The following SYBU variants were observed in gnomAD, a reference collection of about 807,000 sequenced individuals.
SYBU encodes the protein syntabulin.
SYBU carries 21 observed loss-of-function variants against 35.9 expected under a neutral mutation model. That is an observed-to-expected ratio of 0.58 (90% CI 0.41 to 0.84). The LOEUF is 0.84. SYBU is among the 40% of genes least tolerant of loss of function. SYBU has a pLI of 0.00. For synonymous variants in SYBU, 319 were observed against 324.3 expected, an observed-to-expected ratio of 0.98 and a Z score of 0.18; for missense variants, 768 against 848.2, an observed-to-expected ratio of 0.91 and a Z score of 1.17.
intron 1 of SYBU, among the ~76,000 whole-genome samples, chr8:109,655,664 C>T (rs906135644): frequency 5.3e-5 from 8 of 152,154 alleles, no homozygotes; most frequent in Non-Finnish European, 1.2e-4. Flanking sequence ...CTTTCTTCTA[C>T]CACTTATTGG....
intron 1 of SYBU, among the ~76,000 whole-genome samples, chr8:109,655,006 G>C (rs563858567): frequency 6.6e-6 from 1 of 152,178 alleles, no homozygotes; most frequent in South Asian, 2.1e-4. Flanking sequence ...TTAAAGTGCA[G>C]ATCTGATCAT....
chr8:109,678,011 G>A lies in SYBU; in HGVS notation c.-129+2700C>T, dbSNP rs146032918. Among the ~76,000 whole-genome samples the A allele has an allele frequency of 8.9e-3, 1,354 of 151,738 alleles. 28 individuals are homozygous for A. Among genetic ancestry groups the A allele is most frequent in the African/African-American group, 0.031 (1,300 of 41,374 alleles). ...TAGCCAGGTGTGGTGGTGCATGCCT[G>A]TAATCCCAGCTATTTGGGAGGCTGA... On this transcript the variant is annotated intron_variant, in intron 1 of 5. Transcript: ENST00000408889.
In SYBU at chr8:109,629,459, C is replaced by T. The variant is rs547012520; in HGVS notation, c.230-10420G>A. Among the ~76,000 whole-genome samples, 7 of 152,292 alleles carry T rather than the reference C, an allele frequency of 4.6e-5. No individual in the cohort carries two copies. The East Asian group carries it at 7.7e-4, about 17-fold the overall frequency. ...CATACAAAACTGGCACTAGTGTTTA[C>T]GCCACCTGTTCAAGCTTGTAATCAG... is the stretch of plus-strand genomic sequence containing the variant. On this transcript the variant is annotated intron_variant, in intron 2 of 6. Transcript: ENST00000276646.
At position 109,642,921 on chromosome 8, in the gene SYBU, T is replaced by A; in HGVS notation, c.36A>T (p.Arg12Ser). ...AAATCTCCTTGTCATGATGCTGCAC[T>A]CTGTGCTCCTTCTCAAAATTGGACA... is the stretch of plus-strand genomic sequence containing the variant. The part of the protein sequence containing the change: ...GPLRESKKEH[R>S]VQHHDKEISR... Residue 12 changes from arginine to serine, a missense_variant, in exon 2 of 7, where the codon AGA (arginine) becomes AGT (serine). Arg to Ser is a moderately radical substitution (Grantham distance 110, BLOSUM62 -1). Coordinates refer to ENST00000276646, the MANE Select transcript of SYBU (RefSeq NM_001099754.2). The A allele has an allele frequency of 6.6e-7, 1 of 1,506,698 alleles. No individual in the cohort carries two copies. Among genetic ancestry groups the A allele is most frequent in the Non-Finnish European group, 8.9e-7 (1 of 1,124,236 alleles). The allele number at this position is 1,506,698 out of a possible 1,614,324, so 93.3% of individuals were successfully genotyped here. A position where few individuals can be genotyped will look rare whatever the true frequency, so the allele number is the denominator to read the frequency against.
chr8:109,579,533 T>TCCTG (rs1822764370), intron 5 of SYBU, among the ~76,000 whole-genome samples: 1 of 152,182 alleles, frequency 6.6e-6, no homozygotes, highest in African/African-American at 2.4e-5. Context: ...CAAGCAATTC[T>TCCTG]CCTGCCTCAG....
At position 109,677,678 on chromosome 8, in the gene SYBU, C is replaced by A. The variant is rs558767961; in HGVS notation, c.-129+3033G>T. On this transcript the variant is annotated intron_variant, in intron 1 of 5. Coordinates refer to the SYBU transcript ENST00000408889. ...GCTAGACTTTTATCATGCATTATAT[C>A]TTCAATTCTTTCAGCAACCCTATAA... Among the ~76,000 whole-genome samples, 8 of 152,296 alleles carry A rather than the reference C, an allele frequency of 5.3e-5. No individual in the cohort carries two copies. The South Asian group carries it at 1.7e-3, about 32-fold the overall frequency.
intron 3 of SYBU, among the ~76,000 whole-genome samples, chr8:109,597,571 C>T (rs565954247): frequency 1.3e-5 from 2 of 151,894 alleles, no homozygotes; most frequent in South Asian, 2.1e-4. Context: ...AAAAATTAGC[C>T]AGGCATGGTG....
intron 2 of SYBU, among the ~76,000 whole-genome samples, chr8:109,639,349 A>G (rs1017411556): frequency 6.7e-6 from 1 of 149,766 alleles, no homozygotes; most frequent in Non-Finnish European, 1.5e-5. Context: ...TTTTTAAAAA[A>G]GTAAAAATTT....
upstream of SYBU, chr8:109,644,929 C>CG (rs2130675300): frequency 1.9e-6 from 1 of 539,176 alleles, no homozygotes; most frequent in Non-Finnish European, 3.3e-6. Context: ...CTGCGGCCTT[C>CG]GGGGCAACTC....
At chr8:109,682,098 T>C (rs566095921), upstream of SYBU, among the ~76,000 whole-genome samples, 6 of 152,340 alleles carry the variant, frequency 3.9e-5, no homozygotes, top group East Asian at 1.2e-3. Context: ...GATATGTCTT[T>C]ATTAGCAGCA....
intron 5 of SYBU, among the ~76,000 whole-genome samples, chr8:109,579,336 CT>C (rs1397571439): frequency 5.9e-5 from 9 of 152,222 alleles, no homozygotes; most frequent in African/African-American, 1.9e-4. Flanking sequence ...GAGGCCACCC[CT>C]GATCGCTCCA....
chr8:109,690,193 T>C (rs1436325792), intron 1 of SYBU, among the ~76,000 whole-genome samples: 2 of 152,170 alleles, frequency 1.3e-5, no homozygotes, highest in South Asian at 4.2e-4. Flanking sequence ...GATAATGTAT[T>C]GCTGCTTTAA....
chr8:109,581,702 A>G (rs1417508079), intron 4 of SYBU, among the ~76,000 whole-genome samples: 2 of 152,228 alleles, frequency 1.3e-5, no homozygotes, highest in Non-Finnish European at 2.9e-5. Flanking sequence ...TCTTAATGAG[A>G]AATGTGTGTA....
chr8:109,590,544 A>G (rs1020319284), intron 3 of SYBU, among the ~76,000 whole-genome samples: 26 of 152,088 alleles, frequency 1.7e-4, no homozygotes, highest in African/African-American at 5.8e-4. Flanking sequence ...CCATATACTT[A>G]AAATAACACA....
chr8:109,659,066 A>G (rs994304873), intron 1 of SYBU, among the ~76,000 whole-genome samples: 5 of 152,224 alleles, frequency 3.3e-5, no homozygotes, highest in African/African-American at 1.2e-4. Flanking sequence ...TCACTCATGT[A>G]GAACTTACAT....
intron 1 of SYBU, among the ~76,000 whole-genome samples, chr8:109,656,613 G>A (rs1020354465): frequency 1.3e-5 from 2 of 152,140 alleles, no homozygotes; most frequent in Admixed American, 1.3e-4. Flanking sequence ...ACAGACTTAC[G>A]CTTTTACTAA....
chr8:109,581,616 A>G lies in SYBU; in HGVS notation c.531-1614T>C, dbSNP rs190287138. Among the ~76,000 whole-genome samples, 268 of 152,376 alleles carry G rather than the reference A, an allele frequency of 1.8e-3. 1 individual carries two copies. The highest frequency in any genetic ancestry group is 0.017 in the Middle Eastern group (5 of 294). On this transcript the variant is annotated intron_variant, in intron 4 of 6. Transcript: ENST00000276646. The stretch of plus-strand genomic sequence containing the variant: ...TGATGGCAAAAAAAGAGAAAACAAG[A>G]TAGCTTTCATATAGTAGTACTGCTT...
intron 1 of SYBU, among the ~76,000 whole-genome samples, chr8:109,675,053 G>A (rs1817133833): frequency 6.6e-6 from 1 of 152,112 alleles, no homozygotes; most frequent in African/African-American, 2.4e-5. Flanking sequence ...GGTAAATAAC[G>A]AAATTAAGGC....
Position 109,637,766 on chromosome 8 carries a change from C to T in SYBU, c.229+4962G>A, listed in dbSNP as rs57383763. Among the ~76,000 whole-genome samples, 976 of 152,268 alleles carry T rather than the reference C, an allele frequency of 6.4e-3. 11 individuals carry two copies. Among genetic ancestry groups the T allele is most frequent in the African/African-American group, 0.022 (931 of 41,560 alleles). ...GGAGAAATATTTCTGTTTGGCAAGG[C>T]CTGGCAAATTTTTGGAGGCGTTGTC... On this transcript the variant is annotated intron_variant, in intron 2 of 6. Coordinates refer to ENST00000276646, the MANE Select transcript of SYBU (RefSeq NM_001099754.2).
Sources: allele counts gnomAD v4.1 joint callset (sites outside exome capture counted in the v4.1 genomes callset), GRCh38; gene constraint gnomAD v4.1.1; transcripts MANE v1.5; gene names NCBI Gene and HGNC (gene_info 2026-07-23, HGNC 2026-07-21).